The following NTF3 variants were observed in gnomAD, a reference collection of about 807,000 sequenced individuals.
NTF3 encodes neurotrophin 3, also known as neurotrophin-3.
In NTF3, 8 loss-of-function variants were observed where a neutral mutation model predicts 26.3. That is an observed-to-expected ratio of 0.30 (90% CI 0.18 to 0.55). The LOEUF is 0.55. Among genes scored for constraint, NTF3 ranks in the 20% least tolerant of loss-of-function variants. NTF3 has a pLI of 0.93. For synonymous variants in NTF3, 154 were observed against 145.5 expected, an observed-to-expected ratio of 1.06 and a Z score of -0.42; for missense variants, 276 against 352.9, an observed-to-expected ratio of 0.78 and a Z score of 1.75.
At chr12:5,476,365 A>C (rs887436384) in intron 1 of NTF3, among the ~76,000 whole-genome samples, 1 of 152,096 alleles carries the variant, frequency 6.6e-6, no homozygotes, top group African/African-American at 2.4e-5. Context: ...GCTTGAGGAG[A>C]TAGGAGCAGC....
At chr12:5,442,535 T>C (rs1940252568) in intron 1 of NTF3, among the ~76,000 whole-genome samples, 1 of 152,184 alleles carries the variant, frequency 6.6e-6, no homozygotes, top group African/African-American at 2.4e-5. Flanking sequence ...TTCTACTTCC[T>C]TTCTAATTAT....
chr12:5,455,860 G>A (rs1244861211), intron 1 of NTF3, among the ~76,000 whole-genome samples: 1 of 152,170 alleles, frequency 6.6e-6, no homozygotes, highest in South Asian at 2.1e-4. Flanking sequence ...GGGATGTGCA[G>A]GGAGAAGTGT....
intron 1 of NTF3, among the ~76,000 whole-genome samples, chr12:5,448,206 A>G (rs1037400921): frequency 2.0e-5 from 3 of 152,252 alleles, no homozygotes; most frequent in African/African-American, 7.2e-5. Context: ...TTCATTTATG[A>G]AAATACCCTT....
intron 1 of NTF3, among the ~76,000 whole-genome samples, chr12:5,489,945 T>C (rs941826830): frequency 1.3e-5 from 2 of 152,222 alleles, no homozygotes; most frequent in Non-Finnish European, 2.9e-5. Flanking sequence ...CTTGTAGGAA[T>C]GTTGCTCCAG....
intron 1 of NTF3, among the ~76,000 whole-genome samples, chr12:5,439,877 G>T (rs931862524): frequency 7.2e-5 from 11 of 152,122 alleles, no homozygotes; most frequent in Non-Finnish European, 1.5e-4. Context: ...ATTTAGACTG[G>T]GGCCAAAGTT....
At chr12:5,462,277 G>A (rs1486106183) in intron 1 of NTF3, among the ~76,000 whole-genome samples, 1 of 152,144 alleles carries the variant, frequency 6.6e-6, no homozygotes, top group Non-Finnish European at 1.5e-5. Context: ...CTTTGATTTA[G>A]AACTTGGATT....
At chr12:5,466,792 AG>A (rs1179226965) in intron 1 of NTF3, among the ~76,000 whole-genome samples, 3 of 152,112 alleles carry the variant, frequency 2.0e-5, no homozygotes, top group Non-Finnish European at 2.9e-5. Flanking sequence ...TTTCCCGGGG[AG>A]GGGGGACTGA....
At chr12:5,464,416 A>G (rs1940562533) in intron 1 of NTF3, among the ~76,000 whole-genome samples, 1 of 152,248 alleles carries the variant, frequency 6.6e-6, no homozygotes, top group African/African-American at 2.4e-5. Flanking sequence ...TGCAAAAGTG[A>G]TGGGCATTCA....
At chr12:5,439,243 A>T (rs1394119202) in intron 1 of NTF3, among the ~76,000 whole-genome samples, 2 of 152,256 alleles carry the variant, frequency 1.3e-5, no homozygotes, top group East Asian at 3.8e-4. Flanking sequence ...ACTGGGTGCC[A>T]GGCATTTTTA....
intron 1 of NTF3, among the ~76,000 whole-genome samples, chr12:5,454,644 A>G (rs1940414918): frequency 6.6e-6 from 1 of 152,170 alleles, no homozygotes; most frequent in South Asian, 2.1e-4. Context: ...AGCAACAATA[A>G]CAACCAGGGA....
rs1940975872 is a variant in NTF3, at chr12:5,494,361, C to T, written c.186C>T (p.Ser62=). Residue 62 remains serine, a synonymous_variant, in exon 2 of 2, where the codon TCC becomes TCT. Coordinates refer to ENST00000423158, the MANE Select transcript of NTF3 (RefSeq NM_001102654.2). The surrounding 1 kb of genome is among the most constrained non-coding windows in gnomAD (Gnocchi z 8.3). ...CAGATATTTTGAAAAACAAGCTCTC[C>T]AAGCAGATGGTGGACGTTAAGGAAA... is the stretch of plus-strand genomic sequence containing the variant. The part of the protein sequence containing the change: ...IQADILKNKL[S]KQMVDVKENY... 1.2e-6 allele frequency: 2 copies of T among 1,613,922 alleles called. No individual in the cohort carries two copies. The highest frequency in any genetic ancestry group is 1.7e-6 in the Non-Finnish European group (2 of 1,180,028).
chr12:5,493,352 A>T lies in NTF3; in HGVS notation c.19-842A>T, dbSNP rs74398399. 5.7e-4 allele frequency among the ~76,000 whole-genome samples: 87 copies of T among 152,362 alleles called. 1 individual carries two copies. The East Asian group carries it at 0.015, about 26-fold the overall frequency. Reference sequence around the variant, plus strand: ...AGCACTAAAAGGAACATTTTGTAGCAGAAATGTTAAAAATCTAAAGGAGGC... The same window carrying T: ...AGCACTAAAAGGAACATTTTGTAGCTGAAATGTTAAAAATCTAAAGGAGGC... On this transcript the variant is annotated intron_variant, in intron 1 of 1. Coordinates refer to ENST00000423158, the MANE Select transcript of NTF3 (RefSeq NM_001102654.2).
chr12:5,476,643 G>A (rs1940728681), intron 1 of NTF3, among the ~76,000 whole-genome samples: 1 of 152,198 alleles, frequency 6.6e-6, no homozygotes, highest in African/African-American at 2.4e-5. Flanking sequence ...CCCGTAGTAA[G>A]CTCTGCACAT....
At chr12:5,462,822 G>A (rs777253318) in intron 1 of NTF3, among the ~76,000 whole-genome samples, 8 of 152,122 alleles carry the variant, frequency 5.3e-5, no homozygotes, top group South Asian at 4.1e-4. Flanking sequence ...TTCTTTTTGC[G>A]CACACTGCAT....
At chr12:5,454,867 C>G (rs1202704574) in intron 1 of NTF3, among the ~76,000 whole-genome samples, 2 of 152,138 alleles carry the variant, frequency 1.3e-5, no homozygotes, top group Non-Finnish European at 2.9e-5. Flanking sequence ...AGCAGAGCGG[C>G]AAATTGGTGG....
intron 1 of NTF3, among the ~76,000 whole-genome samples, chr12:5,493,546 G>A (rs577704357): frequency 6.6e-6 from 1 of 152,150 alleles, no homozygotes. Flanking sequence ...GTATCAGAAA[G>A]CTCGGCAGAG....
Position 5,494,852 on chromosome 12 carries a change from G to T in NTF3, c.677G>T (p.Trp226Leu), listed in dbSNP as rs73036423. Residue 226 changes from tryptophan (W) to leucine (L), a missense_variant, in exon 2 of 2, where the codon TGG becomes TTG. By Grantham distance (61) the Trp-to-Leu change is moderately conservative. Around this residue, in one of 3 missense-constraint regions of NTF3, gnomAD observed 52 missense variants for 78.4 expected, o/e 0.66. Coordinates refer to ENST00000423158, the MANE Select transcript of NTF3 (RefSeq NM_001102654.2). This position sits in a 1 kb window ranked among gnomAD's most constrained non-coding sequence, Gnocchi z 8.3. The stretch of plus-strand genomic sequence containing the variant: ...TGCAGGGGTATTGATGATAAACACT[G>T]GAACTCTCAGTGCAAAACATCCCAA... ...NGCRGIDDKHWNSQCKTSQTY... is the reference protein window; with the variant it reads ...NGCRGIDDKHLNSQCKTSQTY... The T allele has an allele frequency of 6.2e-7, 1 of 1,614,080 alleles. No homozygotes were observed. Among genetic ancestry groups the T allele is most frequent in the Non-Finnish European group, 8.5e-7 (1 of 1,180,034 alleles).
chr12:5,445,381 C>CT (rs1940292867), intron 1 of NTF3, among the ~76,000 whole-genome samples: 1 of 149,462 alleles, frequency 6.7e-6, no homozygotes, highest in African/African-American at 2.5e-5. Context: ...TGCTACTGAA[C>CT]ATTTTTTTTG....
At chr12:5,461,226 C>T (rs1306297543) in intron 1 of NTF3, among the ~76,000 whole-genome samples, 4 of 152,186 alleles carry the variant, frequency 2.6e-5, no homozygotes, top group African/African-American at 4.8e-5. Context: ...CCAAGCATGA[C>T]GTCTGTGCTG....
Sources: allele counts gnomAD v4.1 joint callset (sites outside exome capture counted in the v4.1 genomes callset), GRCh38; gene constraint gnomAD v4.1.1; regional missense constraint gnomAD v4.1.1; non-coding constraint Gnocchi (gnomAD v3.1); transcripts MANE v1.5; gene names NCBI Gene and HGNC (gene_info 2026-07-23, HGNC 2026-07-21).